Variants in MYT1L observed in about 807,000 individuals in gnomAD.
MYT1L encodes myelin transcription factor 1 like, also known as myelin transcription factor 1-like protein.
Under a neutral mutation model 126.7 loss-of-function variants are expected in MYT1L, and 12 were observed. The observed-to-expected ratio is 0.09, with a 90% CI of 0.06 to 0.15. The LOEUF is 0.15. Among genes scored for constraint, MYT1L ranks in the 10% least tolerant of loss-of-function variants. The pLI is 1.00. For missense variants in MYT1L, 979 were observed against 1,585.2 expected (o/e 0.62, Z 6.49); for synonymous variants, 541 against 604.2 (o/e 0.90, Z 1.53).
rs2094155449 is a variant in MYT1L at position 2,231,328 on chromosome 2, T to G, written c.-421+53076A>C. ...TCATTTGCTAATTAACAAAGATTTG[T>G]AGGTTGATTGCAGTCTGTCTATTAC... is the stretch of plus-strand genomic sequence containing the variant. On this transcript the variant is annotated intron_variant, in intron 2 of 24. Coordinates refer to ENST00000647738, the MANE Select transcript of MYT1L (RefSeq NM_001303052.2). Among the ~76,000 whole-genome samples the G allele has an allele frequency of 2.6e-5, 4 of 152,360 alleles. No homozygotes were observed. In the South Asian group the frequency reaches 8.3e-4, roughly 32 times the overall value.
intron 3 of MYT1L, among the ~76,000 whole-genome samples, chr2:2,170,598 C>T (rs1472556241): frequency 1.3e-5 from 2 of 152,222 alleles, no homozygotes; most frequent in Non-Finnish European, 2.9e-5. Flanking sequence ...GATGTATTTT[C>T]ATTAACATAG....
chr2:1,836,272 C>T (rs1281263756), intron 21 of MYT1L, among the ~76,000 whole-genome samples: 1 of 151,898 alleles, frequency 6.6e-6, no homozygotes, highest in African/African-American at 2.4e-5. Context: ...CCCCAAGATT[C>T]CATCAGCCTG....
intron 1 of MYT1L, among the ~76,000 whole-genome samples, chr2:2,285,711 C>G (rs2095509933): frequency 6.6e-6 from 1 of 152,182 alleles, no homozygotes; most frequent in Non-Finnish European, 1.5e-5. Flanking sequence ...CAACTGCTCC[C>G]ATTTCCGAGT....
intron 18 of MYT1L, among the ~76,000 whole-genome samples, chr2:1,884,767 A>T (rs1040700693): frequency 3.9e-5 from 6 of 152,194 alleles, no homozygotes; most frequent in Non-Finnish European, 8.8e-5. Context: ...ACCTCCTGTA[A>T]GATACAGTCT....
intron 2 of MYT1L, among the ~76,000 whole-genome samples, chr2:2,212,822 C>T (rs1456076773): frequency 6.6e-6 from 1 of 152,120 alleles, no homozygotes. Flanking sequence ...CTTTATTCTC[C>T]CAAGTTTGTC....
chr2:2,135,399 G>A (rs747005080), intron 3 of MYT1L, among the ~76,000 whole-genome samples: 1 of 152,144 alleles, frequency 6.6e-6, no homozygotes, highest in Non-Finnish European at 1.5e-5. Flanking sequence ...CCAGCCATGT[G>A]GAACTGTGAG....
At chr2:2,068,769 GTTTTTTT>G (rs55838351) in intron 3 of MYT1L, among the ~76,000 whole-genome samples, 1 of 26,182 alleles carries the variant, frequency 3.8e-5, no homozygotes, top group Non-Finnish European at 7.4e-5. Context: ...TGTTCTTCTT[GTTTTTTT>G]TTTTTTTTTT....
chr2:2,302,177 A>G (rs1319950993), intron 1 of MYT1L, among the ~76,000 whole-genome samples: 1 of 152,238 alleles, frequency 6.6e-6, no homozygotes, highest in African/African-American at 2.4e-5. Context: ...GATATCCATT[A>G]TCCATCCATT....
intron 18 of MYT1L, among the ~76,000 whole-genome samples, chr2:1,855,922 G>C (rs2043857951): frequency 6.6e-6 from 1 of 152,054 alleles, no homozygotes; most frequent in South Asian, 2.1e-4. Context: ...TACATATTAA[G>C]AGAAAATAAC....
intron 8 of MYT1L, among the ~76,000 whole-genome samples, chr2:1,964,956 C>T: frequency 6.6e-6 from 1 of 152,220 alleles, no homozygotes; most frequent in East Asian, 1.9e-4. Context: ...CCAAGCAATC[C>T]TCACTGTTCT....
At chr2:1,903,594 G>A (rs1163643391) in intron 13 of MYT1L, among the ~76,000 whole-genome samples, 1 of 152,132 alleles carries the variant, frequency 6.6e-6, no homozygotes, top group African/African-American at 2.4e-5. Context: ...GTGATGACAT[G>A]AGATATGAGG....
chr2:2,039,502 C>G (rs1056676778), intron 4 of MYT1L, among the ~76,000 whole-genome samples: 3 of 152,064 alleles, frequency 2.0e-5, no homozygotes, highest in Admixed American at 2.0e-4. Flanking sequence ...CGTTTCCTGA[C>G]TGTTAGGGAA....
chr2:2,085,120 C>G (rs1219230765), intron 3 of MYT1L, among the ~76,000 whole-genome samples: 1 of 151,920 alleles, frequency 6.6e-6, no homozygotes, highest in Non-Finnish European at 1.5e-5. Flanking sequence ...CTCCTATCTG[C>G]ACAGTTTCTT....
chr2:1,996,075 C>A (rs997632368), intron 5 of MYT1L, among the ~76,000 whole-genome samples: 2 of 152,208 alleles, frequency 1.3e-5, no homozygotes, highest in Non-Finnish European at 2.9e-5. Flanking sequence ...GCCGGAGAGG[C>A]TGAGGTGGAG....
chr2:2,144,529 T>C (rs994180436), intron 3 of MYT1L, among the ~76,000 whole-genome samples: 3 of 152,230 alleles, frequency 2.0e-5, no homozygotes, highest in African/African-American at 7.2e-5. Flanking sequence ...ACTATGGTTT[T>C]TCTAAGCTGT....
chr2:2,211,640 A>G (rs916869635), intron 2 of MYT1L, among the ~76,000 whole-genome samples: 1 of 151,982 alleles, frequency 6.6e-6, no homozygotes, highest in Non-Finnish European at 1.5e-5. Context: ...ACCTGTCTCT[A>G]CTAAAAATAC....
chr2:2,001,647 T>G (rs1396352519), intron 4 of MYT1L, among the ~76,000 whole-genome samples: 2 of 152,088 alleles, frequency 1.3e-5, no homozygotes, highest in African/African-American at 4.8e-5. Flanking sequence ...CTGGAAAGGG[T>G]ACACAATTTG....
At chr2:2,010,460 A>G (rs1356458920) in intron 4 of MYT1L, among the ~76,000 whole-genome samples, 1 of 152,086 alleles carries the variant, frequency 6.6e-6, no homozygotes, top group Non-Finnish European at 1.5e-5. Context: ...GCCTGCTGCC[A>G]GTGACAGCAG....
chr2:1,855,656 C>T (rs1017130085), intron 18 of MYT1L, among the ~76,000 whole-genome samples: 4 of 152,122 alleles, frequency 2.6e-5, no homozygotes, highest in Non-Finnish European at 5.9e-5. Flanking sequence ...TTAAATAAAA[C>T]GCTTGGTTAT....
Sources: allele counts gnomAD v4.1 joint callset (sites outside exome capture counted in the v4.1 genomes callset), GRCh38; gene constraint gnomAD v4.1.1; transcripts MANE v1.5; gene names NCBI Gene and HGNC (gene_info 2026-07-23, HGNC 2026-07-21).